The following SERINC5 variants were observed in gnomAD, a reference collection of about 807,000 sequenced individuals.
SERINC5 encodes the protein serine incorporator 5.
In SERINC5, 41 loss-of-function variants were observed where a neutral mutation model predicts 63.1. The ratio of observed to expected loss-of-function variants is 0.65; its 90% CI spans 0.51 to 0.84. SERINC5 has a LOEUF of 0.84. SERINC5 is among the 40% of genes least tolerant of loss of function. The pLI, the probability that SERINC5 is intolerant of heterozygous loss-of-function variation, is 0.00. For synonymous variants in SERINC5, 222 were observed against 215.2 expected (o/e 1.03, Z -0.28); for missense variants, 523 against 573.0 (o/e 0.91, Z 0.89).
intron 1 of SERINC5, among the ~76,000 whole-genome samples, chr5:80,238,380 G>A (rs548897032): frequency 2.0e-5 from 3 of 152,112 alleles, no homozygotes; most frequent in Admixed American, 6.5e-5. Context: ...TATCATCCAC[G>A]CATAGAGCAG....
chr5:80,227,021 G>T (rs1751199707), intron 1 of SERINC5, among the ~76,000 whole-genome samples: 1 of 152,038 alleles, frequency 6.6e-6, no homozygotes, highest in African/African-American at 2.4e-5. Context: ...TCAGCATCCT[G>T]AGTAGCTGGG....
In SERINC5 at chr5:80,114,513, C is replaced by T. The variant is rs114866883; in HGVS notation, c.1239-888G>A. The T allele has an allele frequency of 6.1e-3, 1,262 of 205,318 alleles. 37 individuals carry two copies. Among genetic ancestry groups the T allele is most frequent in the African/African-American group, 0.029 (1,207 of 41,688 alleles). The allele number at this position is 205,318 out of a possible 1,614,324, so 12.7% of individuals were successfully genotyped here. A position where few individuals can be genotyped will look rare whatever the true frequency, so the allele number is the denominator to read the frequency against. On this transcript the variant is annotated intron_variant, in intron 11 of 12. Transcript: ENST00000509193. ...CACTAAAAATACAAAAATTAGCTCACCATGGTGGCACATGCCTGTAACCCC... is the reference window on the plus strand; with the variant it reads ...CACTAAAAATACAAAAATTAGCTCATCATGGTGGCACATGCCTGTAACCCC...
At chr5:80,133,959 T>C (rs1435763911), downstream of SERINC5, among the ~76,000 whole-genome samples, 2 of 152,154 alleles carry the variant, frequency 1.3e-5, no homozygotes, top group African/African-American at 4.8e-5. Flanking sequence ...GATGAACCAA[T>C]TTATCAATCT....
intron 1 of SERINC5, among the ~76,000 whole-genome samples, chr5:80,226,382 T>C (rs1344136089): frequency 6.6e-6 from 1 of 152,196 alleles, no homozygotes; most frequent in Non-Finnish European, 1.5e-5. Context: ...AGAAGCCACT[T>C]TGGGATAAAC....
intron 8 of SERINC5, among the ~76,000 whole-genome samples, chr5:80,153,658 TAGG>T (rs1231831685): frequency 1.3e-5 from 2 of 152,206 alleles, no homozygotes; most frequent in South Asian, 2.1e-4. Flanking sequence ...CCCGTGGGGA[TAGG>T]AGGAGACTTA....
chr5:80,149,455 C>T (rs1406986792), intron 9 of SERINC5, among the ~76,000 whole-genome samples: 1 of 152,198 alleles, frequency 6.6e-6, no homozygotes, highest in Non-Finnish European at 1.5e-5. Context: ...CCCAGACACC[C>T]AGCTGCAGAG....
At chr5:80,168,202 CT>C (rs373157255) in intron 6 of SERINC5, among the ~76,000 whole-genome samples, 224 of 144,552 alleles carry the variant, frequency 1.5e-3, no homozygotes, top group African/African-American at 4.3e-3. Context: ...GACTAGTTGC[CT>C]TTTTTTTTTT....
chr5:80,238,863 T>C (rs1430194701), intron 1 of SERINC5, among the ~76,000 whole-genome samples: 1 of 151,342 alleles, frequency 6.6e-6, no homozygotes, highest in African/African-American at 2.4e-5. Context: ...AATCCATAGC[T>C]ATGAGCTCTT....
chr5:80,213,245 C>CAAAAAAAAAAAAAAG (rs57289084), intron 1 of SERINC5, among the ~76,000 whole-genome samples: 12,750 of 132,444 alleles, frequency 0.096, 1,466 homozygotes, highest in African/African-American at 0.27. Flanking sequence ...GACTGCATCT[C>CAAAAAAAAAAAAAAG]AAAGAAAGAA....
intron 1 of SERINC5, among the ~76,000 whole-genome samples, chr5:80,210,600 A>G (rs1750388377): frequency 6.6e-6 from 1 of 152,172 alleles, no homozygotes; most frequent in African/African-American, 2.4e-5. Flanking sequence ...CAAGAAGGCC[A>G]AACATATTAC....
Position 80,142,220 on chromosome 5 carries a change from T to A in SERINC5, c.*1443A>T, listed in dbSNP as rs1385030895. On this transcript the variant is annotated 3_prime_UTR_variant, in exon 12 of 12. Transcript: ENST00000507668. ...AATACATCAACACTGAAAATAGGCA[T>A]CATCTTGGGTAGCTGCCGAAAGTCA... 1 of 984,290 alleles carries A rather than the reference T, an allele frequency of 1.0e-6. No homozygotes were observed. The highest frequency in any genetic ancestry group is 1.7e-5 in the African/African-American group (1 of 57,162). The allele number at this position is 984,290 out of a possible 1,614,324, so 61.0% of individuals were successfully genotyped here.
intron 1 of SERINC5, 33 bp downstream of exon 1, chr5:80,255,863 G>A (rs1376300064): frequency 2.5e-6 from 4 of 1,588,248 alleles, no homozygotes; most frequent in African/African-American, 1.4e-5. Context: ...TCTCCGATCT[G>A]ACAACCCCCG....
At chr5:80,203,125 G>A in intron 1 of SERINC5, 72 bp from the exon 2 acceptor site, 1 of 1,432,616 alleles carries the variant, frequency 7.0e-7, no homozygotes, top group South Asian at 1.3e-5. Context: ...GCCAGGCACT[G>A]TGGTACACAT....
chr5:80,252,307 G>A (rs1473785921), intron 1 of SERINC5, among the ~76,000 whole-genome samples: 1 of 152,010 alleles, frequency 6.6e-6, no homozygotes, highest in African/African-American at 2.4e-5. Flanking sequence ...CGATCCACCT[G>A]CCTCGGCCTC....
Position 80,187,996 on chromosome 5 carries a change from G to C in SERINC5, c.196-9932C>G, listed in dbSNP as rs140581427. On this transcript the variant is annotated intron_variant, in intron 2 of 11. Transcript: ENST00000507668. ...ATTGAGAGAATTAGGTAAAACTGAA[G>C]GCAGAAGGCTGGGTGCGGTGGCTCA... Among the ~76,000 whole-genome samples, 4 of 152,226 alleles carry C rather than the reference G, an allele frequency of 2.6e-5. No homozygotes were observed. In the East Asian group the frequency reaches 5.8e-4, roughly 22 times the overall value.
chr5:80,153,760 C>G (rs1431945338), intron 8 of SERINC5, among the ~76,000 whole-genome samples: 1 of 151,768 alleles, frequency 6.6e-6, no homozygotes, highest in Non-Finnish European at 1.5e-5. Context: ...GCCACCCCAC[C>G]CCAACCCAGC....
intron 8 of SERINC5, among the ~76,000 whole-genome samples, chr5:80,156,827 CT>C (rs1225811663): frequency 6.6e-6 from 1 of 152,066 alleles, no homozygotes; most frequent in African/African-American, 2.4e-5. Flanking sequence ...TTCTTTACAC[CT>C]GCTAGAAATA....
chr5:80,178,366 C>A (rs7381049), intron 2 of SERINC5, among the ~76,000 whole-genome samples: 1 of 105,296 alleles, frequency 9.5e-6, no homozygotes, highest in African/African-American at 3.8e-5. Flanking sequence ...CCCCACCCCA[C>A]CCCCGACCCC....
At chr5:80,185,496 T>C (rs990665556) in intron 2 of SERINC5, among the ~76,000 whole-genome samples, 2 of 151,398 alleles carry the variant, frequency 1.3e-5, no homozygotes, top group Non-Finnish European at 2.9e-5. Context: ...AGCACTATTA[T>C]GTTATATTTC....
Sources: gnomAD v4.1 joint callset for allele counts (sites outside exome capture counted in the v4.1 genomes callset) on GRCh38, gnomAD v4.1.1 for gene constraint, MANE v1.5 for transcripts, NCBI Gene and HGNC (gene_info 2026-07-23, HGNC 2026-07-21) for gene names.